TRPM3: variants seen among roughly 807,000 people sequenced by gnomAD.
TRPM3 encodes the protein transient receptor potential cation channel subfamily M member 3, also known as long transient receptor potential channel 3.
In TRPM3, 77 loss-of-function variants were observed where a neutral mutation model predicts 181.2. That is an observed-to-expected ratio of 0.42 (90% CI 0.35 to 0.51). The LOEUF (loss-of-function observed/expected upper bound fraction) is 0.51. TRPM3 is among the 20% of genes least tolerant of loss of function. The pLI is 0.01. For missense variants in TRPM3, 1,759 were observed against 2,196.7 expected, an observed-to-expected ratio of 0.80 and a Z score of 3.98; for synonymous variants, 745 against 796.4, an observed-to-expected ratio of 0.94 and a Z score of 1.09.
At chr9:70,876,303 A>G (rs1038054260) in intron 1 of TRPM3, among the ~76,000 whole-genome samples, 13 of 133,036 alleles carry the variant, frequency 9.8e-5, no homozygotes, top group African/African-American at 3.5e-4. Flanking sequence ...ATAGACATAT[A>G]CATATATAGA....
chr9:70,994,332 T>G (rs1033933732), intron 1 of TRPM3, among the ~76,000 whole-genome samples: 2 of 152,164 alleles, frequency 1.3e-5, no homozygotes, highest in South Asian at 4.1e-4. Flanking sequence ...TAATCCCAGT[T>G]GCTAGGTGAC....
At chr9:70,665,178 G>A (rs962233494) in intron 9 of TRPM3, among the ~76,000 whole-genome samples, 1 of 147,332 alleles carries the variant, frequency 6.8e-6, no homozygotes, top group African/African-American at 2.6e-5. Flanking sequence ...AGGGATGGCA[G>A]GAGGTGGTAA....
At chr9:70,910,993 G>A (rs1482832170) in intron 1 of TRPM3, among the ~76,000 whole-genome samples, 2 of 152,150 alleles carry the variant, frequency 1.3e-5, no homozygotes, top group African/African-American at 4.8e-5. Context: ...AGAAATAGTA[G>A]TCTTATGGGA....
intron 1 of TRPM3, among the ~76,000 whole-genome samples, chr9:71,310,834 T>C (rs2087857091): frequency 6.6e-6 from 1 of 152,110 alleles, no homozygotes; most frequent in South Asian, 2.1e-4. Flanking sequence ...AAGCTTAACC[T>C]AACATGTTTC....
chr9:71,140,147 T>G (rs749026249), intron 1 of TRPM3, among the ~76,000 whole-genome samples: 2 of 152,198 alleles, frequency 1.3e-5, no homozygotes, highest in African/African-American at 2.4e-5. Context: ...AGCCTCAGAC[T>G]TCTATTAATA....
intron 11 of TRPM3, among the ~76,000 whole-genome samples, chr9:70,636,692 C>CT (rs11380206): frequency 0.75 from 101,815 of 135,110 alleles, 40,009 homozygotes; most frequent in East Asian, 0.91. Context: ...ATAGTGATGG[C>CT]TTTTTTTTTT....
At chr9:71,114,739 C>G (rs1401285367) in intron 1 of TRPM3, among the ~76,000 whole-genome samples, 1 of 152,082 alleles carries the variant, frequency 6.6e-6, no homozygotes. Flanking sequence ...AGGGACATGC[C>G]CTTGAGTGAC....
At chr9:70,611,047 C>T (rs1422688675) in intron 18 of TRPM3, among the ~76,000 whole-genome samples, 3 of 152,160 alleles carry the variant, frequency 2.0e-5, no homozygotes, top group African/African-American at 7.2e-5. Flanking sequence ...GAGGAAGAAA[C>T]AGTGTAGCCT....
intron 8 of TRPM3, among the ~76,000 whole-genome samples, chr9:70,741,561 A>G (rs1310787249): frequency 6.6e-6 from 1 of 152,166 alleles, no homozygotes. Flanking sequence ...GAAAATATTG[A>G]ACCAGCCCAA....
intron 1 of TRPM3, among the ~76,000 whole-genome samples, chr9:71,173,679 G>A (rs1331164561): frequency 6.6e-6 from 1 of 152,226 alleles, no homozygotes; most frequent in Non-Finnish European, 1.5e-5. Context: ...CAGAAAAGCA[G>A]CTTTGGAGAG....
intron 1 of TRPM3, among the ~76,000 whole-genome samples, chr9:71,294,767 A>T (rs1042705903): frequency 2.6e-5 from 4 of 152,174 alleles, no homozygotes; most frequent in African/African-American, 7.2e-5. Context: ...TTAAATTGTG[A>T]TTTACTCACA....
intron 1 of TRPM3, among the ~76,000 whole-genome samples, chr9:70,882,020 A>T (rs1169769056): frequency 1.3e-5 from 2 of 152,204 alleles, no homozygotes; most frequent in Non-Finnish European, 2.9e-5. Flanking sequence ...CAAGTTTTCA[A>T]GTGCTAGGAA....
intron 1 of TRPM3, among the ~76,000 whole-genome samples, chr9:71,046,948 C>T (rs112325239): frequency 6.6e-6 from 1 of 152,210 alleles, no homozygotes; most frequent in African/African-American, 2.4e-5. Flanking sequence ...CACCAAATAC[C>T]ATATACCTGT....
intron 9 of TRPM3, among the ~76,000 whole-genome samples, chr9:70,679,381 G>A (rs2064856952): frequency 6.6e-6 from 1 of 152,326 alleles, no homozygotes; most frequent in Admixed American, 6.5e-5. Context: ...CTAAGACTGA[G>A]CTGAAAGTGA....
At chr9:71,409,693 G>C (rs2093506166) in intron 1 of TRPM3, among the ~76,000 whole-genome samples, 1 of 152,094 alleles carries the variant, frequency 6.6e-6, no homozygotes, top group African/African-American at 2.4e-5. Context: ...ACATTAAACA[G>C]ATCAACGAGA....
chr9:71,382,555 C>A (rs574572548), intron 1 of TRPM3, among the ~76,000 whole-genome samples: 5 of 152,162 alleles, frequency 3.3e-5, no homozygotes, highest in Admixed American at 2.0e-4. Flanking sequence ...ATATGAAAAG[C>A]AACTACTAAA....
intron 1 of TRPM3, among the ~76,000 whole-genome samples, chr9:70,985,307 T>C (rs1681860904): frequency 6.6e-6 from 1 of 152,194 alleles, no homozygotes; most frequent in Non-Finnish European, 1.5e-5. Context: ...AAGGTAAGAC[T>C]TTTCCCTCCC....
At position 71,393,009 on chromosome 9, in the gene TRPM3, A is replaced by C. The variant is rs183984554; in HGVS notation, c.183+53644T>G. 2.2e-3 allele frequency among the ~76,000 whole-genome samples: 329 copies of C among 152,316 alleles called. 1 individual carries two copies. Among genetic ancestry groups the C allele is most frequent in the African/African-American group, 7.6e-3 (316 of 41,568 alleles). ...TTATGGGCCTGGAGCAATAGGTATT[A>C]AAAGGAAGGAATGTAAGAAACGATT... On this transcript the variant is annotated intron_variant, in intron 1 of 24. Transcript: ENST00000357533.
chr9:70,835,873 G>A (rs1324551171), intron 5 of TRPM3, among the ~76,000 whole-genome samples: 1 of 152,080 alleles, frequency 6.6e-6, no homozygotes, highest in Non-Finnish European at 1.5e-5. Flanking sequence ...AGGGAGCTAG[G>A]TGGCCTAGGT....
Sources: allele counts gnomAD v4.1 joint callset (sites outside exome capture counted in the v4.1 genomes callset), GRCh38; gene constraint gnomAD v4.1.1; transcripts MANE v1.5; gene names NCBI Gene and HGNC (gene_info 2026-07-23, HGNC 2026-07-21).